CD164: variants seen among roughly 807,000 people sequenced by gnomAD.
CD164 encodes CD164 molecule.
A neutral mutation model predicts 24.6 loss-of-function variants in CD164; 11 were observed. That is an observed-to-expected ratio of 0.45 (90% CI 0.28 to 0.74). The LOEUF is 0.74. Ranked by LOEUF, CD164 falls within the 30% of genes least tolerant of loss-of-function variation. The pLI is 0.13. For missense variants in CD164, 295 were observed against 243.7 expected (o/e 1.21, Z -1.40); for synonymous variants, 126 against 100.3 (o/e 1.26, Z -1.53).
Position 109,377,964 on chromosome 6 carries a change from G to A in CD164, c.267C>T (p.Ser89=). Residue 89 remains serine (S), a synonymous_variant, in exon 3 of 6, where the codon AGC becomes AGT. Coordinates refer to ENST00000310786, the MANE Select transcript of CD164 (RefSeq NM_006016.6). ...TAACTGTTGAGTTATGTGAACAATA[G>A]CTCTCATCTGTTGGGGGGCAGGGGA... The part of the protein sequence containing the change: ...TCFWIECKDE[S]YCSHNSTVSD... 4 of 1,612,878 alleles carry A rather than the reference G, an allele frequency of 2.5e-6. No individual in the cohort carries two copies. Among genetic ancestry groups the A allele is most frequent in the Non-Finnish European group, 3.4e-6 (4 of 1,179,316 alleles).
intron 1 of CD164, chr6:109,381,732 G>A (rs1031789613): frequency 3.6e-5 from 21 of 590,610 alleles, no homozygotes; most frequent in Admixed American, 2.6e-4. Flanking sequence ...TCTCTTTCCC[G>A]GACTTCCGGA....
Position 109,366,637 on chromosome 6 carries a change from A to G in CD164, c.*2214T>C, listed in dbSNP as rs1269696526. ...ACAGCAGTATCTGCCTGTGCAACAA[A>G]TATCTGTAAGGTAAAATAAGGTATT... On this transcript the variant is annotated 3_prime_UTR_variant, in exon 6 of 6. Transcript: ENST00000310786. The G allele has an allele frequency of 1.3e-5, 2 of 152,656 alleles. No homozygotes were observed. The highest frequency in any genetic ancestry group is 2.9e-5 in the Non-Finnish European group (2 of 68,036). 9.5% of individuals were successfully genotyped at this position (152,656 alleles called of 1,614,324 possible). A position where few individuals can be genotyped will look rare whatever the true frequency, so the allele number is the denominator to read the frequency against.
In CD164 at chr6:109,376,500, A is replaced by G. The variant is rs182112214; in HGVS notation, c.332-388T>C. ...GGACCCACCTTGGACAGTAGGGTCA[A>G]AGCCATTTTTGAGAGGTGAAAGAGT... On this transcript the variant is annotated intron_variant, in intron 3 of 5. Coordinates refer to ENST00000310786, the MANE Select transcript of CD164 (RefSeq NM_006016.6). Among the ~76,000 whole-genome samples the G allele has an allele frequency of 2.2e-4, 33 of 152,344 alleles. No individual in the cohort carries two copies. In the East Asian group the frequency reaches 2.5e-3, roughly 12 times the overall value.
chr6:109,380,052 C>T (rs1478436626), intron 1 of CD164: 1 of 153,874 alleles, frequency 6.5e-6, no homozygotes, highest in Non-Finnish European at 1.4e-5. Context: ...ACCACTACCC[C>T]CAAACATCAG....
In CD164 at chr6:109,379,576, T is replaced by C; in HGVS notation, c.259+3A>G. The C allele has an allele frequency of 6.2e-7, 1 of 1,604,802 alleles. No homozygotes were observed. The highest frequency in any genetic ancestry group is 8.5e-7 in the Non-Finnish European group (1 of 1,175,864). On this transcript the variant is annotated splice_donor_region_variant and intron_variant, in intron 2 of 5. Transcript: ENST00000310786. ...ACAGTTTTGCATCCCCAAAGTTTCT[T>C]ACCTTTACATTCTATCCAAAAGCAG...
At chr6:109,370,001 G>A (rs941592484) in intron 5 of CD164, among the ~76,000 whole-genome samples, 5 of 152,136 alleles carry the variant, frequency 3.3e-5, no homozygotes, top group Non-Finnish European at 7.4e-5. Flanking sequence ...TGCACATCTG[G>A]TAGTGATTCT....
At chr6:109,377,995 G>A (rs750585578) in intron 2 of CD164, 24 bp from the exon 3 acceptor site, 1 of 1,582,296 alleles carries the variant, frequency 6.3e-7, no homozygotes, top group African/African-American at 1.3e-5. Context: ...GGGGAAAAGA[G>A]ACAAACAGCA....
At chr6:109,371,122 T>C (rs1266935692) in intron 4 of CD164, 1 of 152,358 alleles carries the variant, frequency 6.6e-6, no homozygotes, top group Non-Finnish European at 1.5e-5. Flanking sequence ...AAATACTATT[T>C]GAGTTGCCAT....
intron 4 of CD164, chr6:109,371,197 A>G (rs907742308): frequency 6.6e-6 from 1 of 152,250 alleles, no homozygotes; most frequent in Non-Finnish European, 1.5e-5. Flanking sequence ...TGCTAAAGAA[A>G]TGTACACTCT....
intron 2 of CD164, among the ~76,000 whole-genome samples, chr6:109,379,081 TCTTC>T (rs887978155): frequency 1.3e-5 from 2 of 152,228 alleles, no homozygotes; most frequent in African/African-American, 4.8e-5. Flanking sequence ...CCTACCTCTT[TCTTC>T]TCTACACCTA....
chr6:109,375,772 T>C lies in CD164; in HGVS notation c.370+302A>G, dbSNP rs11965096. 5.7e-3 allele frequency: 1,614 copies of C among 284,910 alleles called. 30 individuals are homozygous for C. The highest frequency in any genetic ancestry group is 0.034 in the African/African-American group (1,531 of 45,670). The allele number at this position is 284,910 out of a possible 1,614,324, so 17.6% of individuals were successfully genotyped here. ...TGGTTGCTCTGGATGATGAGAATTATAATTTGCTTTAGGCTTCTATATTTC... is the reference window on the plus strand; with the variant it reads ...TGGTTGCTCTGGATGATGAGAATTACAATTTGCTTTAGGCTTCTATATTTC... On this transcript the variant is annotated intron_variant, in intron 4 of 5. Transcript: ENST00000310786.
chr6:109,371,018 TAAG>T (rs2115146045), intron 4 of CD164: 1 of 152,866 alleles, frequency 6.5e-6, no homozygotes, highest in East Asian at 1.9e-4. Context: ...TAAAGCTTTA[TAAG>T]AACAGGGGCC....
At chr6:109,376,749 A>C (rs932048737) in intron 3 of CD164, among the ~76,000 whole-genome samples, 2 of 152,236 alleles carry the variant, frequency 1.3e-5, no homozygotes, top group African/African-American at 2.4e-5. Context: ...TTCTAATACT[A>C]ATGAAATCTT....
intron 2 of CD164, 128 bp downstream of exon 2, chr6:109,379,451 G>A: frequency 1.6e-6 from 1 of 634,262 alleles, no homozygotes; most frequent in Non-Finnish European, 2.7e-6. Context: ...CACTTTAAAG[G>A]AGTACTGGAT....
In CD164 at chr6:109,368,390, A is replaced by C. The variant is rs1393973313; in HGVS notation, c.*461T>G. ...TAATCTAAGGATACCATTTAGTACT[A>C]CTAAATTAATAAATTTATTCCACTT... On this transcript the variant is annotated 3_prime_UTR_variant, in exon 6 of 6. Coordinates refer to ENST00000310786, the MANE Select transcript of CD164 (RefSeq NM_006016.6). 6.8e-7 allele frequency: 1 copy of C among 1,475,340 alleles called. No individual in the cohort carries two copies. Among genetic ancestry groups the C allele is most frequent in the Non-Finnish European group, 9.0e-7 (1 of 1,114,022 alleles). 91.4% of individuals were successfully genotyped at this position (1,475,340 alleles called of 1,614,324 possible). A position where few individuals can be genotyped will look rare whatever the true frequency, so the allele number is the denominator to read the frequency against.
chr6:109,374,506 A>T (rs371990469), intron 4 of CD164, among the ~76,000 whole-genome samples: 21 of 152,304 alleles, frequency 1.4e-4, no homozygotes, highest in African/African-American at 4.6e-4. Flanking sequence ...TTATTGTAAC[A>T]GGCTATCTAA....
At chr6:109,376,565 C>A (rs772148753) in intron 3 of CD164, among the ~76,000 whole-genome samples, 27 of 152,216 alleles carry the variant, frequency 1.8e-4, no homozygotes, top group Non-Finnish European at 2.8e-4. Context: ...GGTTGCAGAG[C>A]TGAACTCTAG....
chr6:109,382,299 G>C lies in CD164; in HGVS notation c.80C>G (p.Thr27Arg). 2 of 1,584,078 alleles carry C rather than the reference G, an allele frequency of 1.3e-6. No homozygotes were observed. The highest frequency in any genetic ancestry group is 1.7e-6 in the Non-Finnish European group (2 of 1,168,228). Residue 27 changes from threonine to arginine, a missense_variant, in exon 1 of 6, where the codon ACG becomes AGG. Physicochemically the swap from Thr to Arg is moderately conservative, Grantham distance 71. Transcript: ENST00000310786. Reference sequence around the variant, plus strand: ...AGTCGTCACGTTCGGGTGCTGGGTCGTGTTCTTGTCCGCGGACAGCACGCA... The same window carrying C: ...AGTCGTCACGTTCGGGTGCTGGGTCCTGTTCTTGTCCGCGGACAGCACGCA... Reference protein sequence around the residue: ...VLCVLSADKNTTQHPNVTTLA... With the variant: ...VLCVLSADKNRTQHPNVTTLA...
In CD164 at chr6:109,382,214, A is replaced by AGTG; in HGVS notation, c.162_164dup (p.Thr55dup). 6.4e-7 allele frequency: 1 copy of AGTG among 1,565,814 alleles called. No individual in the cohort carries two copies. The highest frequency in any genetic ancestry group is 8.6e-7 in the Non-Finnish European group (1 of 1,161,524). On this transcript the variant is annotated inframe_insertion, in exon 1 of 6. Transcript: ENST00000310786. ...AGGGCCCGCGCCCACCTGGTGCCGG[A>AGTG]GTGGTGACCAGCGGGAGGGACGTCA...
Sources: gnomAD v4.1 joint callset for allele counts (sites outside exome capture counted in the v4.1 genomes callset) on GRCh38, gnomAD v4.1.1 for gene constraint, MANE v1.5 for transcripts, NCBI Gene and HGNC (gene_info 2026-07-23, HGNC 2026-07-21) for gene names.